Variants in LACTB2 observed in about 807,000 individuals in gnomAD.
LACTB2 encodes endoribonuclease LACTB2.
In LACTB2, 32 loss-of-function variants were observed where a neutral mutation model predicts 34.8. The ratio of observed to expected loss-of-function variants is 0.92; its 90% CI spans 0.69 to 1.24. The LOEUF (loss-of-function observed/expected upper bound fraction) is 1.24, where lower values mean the gene tolerates loss of function less well. LACTB2 is among the 50% of genes most tolerant of loss of function. LACTB2 has a pLI of 0.00. For synonymous variants in LACTB2, 120 were observed against 117.5 expected (o/e 1.02, Z -0.14); for missense variants, 320 against 345.0 (o/e 0.93, Z 0.57).
intron 2 of LACTB2, chr8:70,661,417 CT>C (rs1322475440): frequency 3.6e-6 from 1 of 280,602 alleles, no homozygotes; most frequent in African/African-American, 2.2e-5. Flanking sequence ...GAGCACCTAC[CT>C]CACAGTATCC....
Position 70,666,314 on chromosome 8 carries a change from T to A in LACTB2, c.122+2685A>T, listed in dbSNP as rs114766457. On this transcript the variant is annotated intron_variant, in intron 1 of 6. Coordinates refer to ENST00000276590, the MANE Select transcript of LACTB2 (RefSeq NM_016027.3). ...ATTGAGATAAGGACCATGAAAAGTA[T>A]GGAGTGTCCCTAATACAGTCTGATG... Among the ~76,000 whole-genome samples, 459 of 152,274 alleles carry A rather than the reference T, an allele frequency of 3.0e-3. 3 individuals carry two copies. Among genetic ancestry groups the A allele is most frequent in the African/African-American group, 0.011 (440 of 41,550 alleles).
intron 2 of LACTB2, among the ~76,000 whole-genome samples, chr8:70,658,908 T>C (rs569726082): frequency 5.9e-5 from 9 of 152,194 alleles, no homozygotes; most frequent in Middle Eastern, 3.4e-3. Context: ...GCACCTAACG[T>C]CCCAGATACT....
At chr8:70,664,023 A>G (rs534203942) in intron 1 of LACTB2, among the ~76,000 whole-genome samples, 1 of 152,262 alleles carries the variant, frequency 6.6e-6, no homozygotes, top group South Asian at 2.1e-4. Flanking sequence ...CTATAATACT[A>G]TGATACCTCC....
intron 3 of LACTB2, among the ~76,000 whole-genome samples, chr8:70,649,077 A>G (rs10097463): frequency 0.15 from 22,883 of 152,204 alleles, 2,446 homozygotes; most frequent in African/African-American, 0.31. Context: ...AATACCTTAA[A>G]TAAAGTTAGA....
chr8:70,668,184 T>G (rs1260832936), intron 1 of LACTB2, among the ~76,000 whole-genome samples: 1 of 152,198 alleles, frequency 6.6e-6, no homozygotes, highest in East Asian at 1.9e-4. Context: ...TTTTTAGTAA[T>G]CAATTATATT....
chr8:70,660,260 A>T, intron 2 of LACTB2: 1 of 262,386 alleles, frequency 3.8e-6, no homozygotes, highest in Non-Finnish European at 7.5e-6. Flanking sequence ...GGCATAAAAT[A>T]GTTTTTTAAT....
At chr8:70,644,042 A>T (rs1818232599) in intron 4 of LACTB2, 23 bp downstream of exon 4, 2 of 1,481,692 alleles carry the variant, frequency 1.3e-6, no homozygotes, top group African/African-American at 1.4e-5. Context: ...ATAAAAATAT[A>T]AAAAAATTTA....
At chr8:70,664,377 G>T (rs988168517) in intron 1 of LACTB2, among the ~76,000 whole-genome samples, 1 of 152,168 alleles carries the variant, frequency 6.6e-6, no homozygotes, top group East Asian at 1.9e-4. Flanking sequence ...AATTAACAGG[G>T]TTGATACATG....
Position 70,644,187 on chromosome 8 carries a change from T to C in LACTB2, c.470A>G (p.Glu157Gly). 6.2e-7 allele frequency: 1 copy of C among 1,613,204 alleles called. No homozygotes were observed. The change falls in exon 4 of 7, where the codon GAA becomes GGA. Residue 157 changes from glutamate to glycine, a missense_variant. Physicochemically the swap from Glu to Gly is moderately conservative, Grantham distance 98. Transcript: ENST00000276590. ...DDHMALLLEE[E>G]NAIFSGDCIL... is the part of the protein sequence containing the mutation. ...GCAATCTCCAGAAAAGATAGCATTTTCCTCTTCTAAGAGTAGAGCCATGTG... is the reference window on the plus strand; with the variant it reads ...GCAATCTCCAGAAAAGATAGCATTTCCCTCTTCTAAGAGTAGAGCCATGTG...
In LACTB2 at chr8:70,644,068, G is replaced by A. The variant is rs1329803188; in HGVS notation, c.589C>T (p.Pro197Ser). 6.4e-7 allele frequency: 1 copy of A among 1,554,436 alleles called. No homozygotes were observed. Among genetic ancestry groups the A allele is most frequent in the Non-Finnish European group, 8.7e-7 (1 of 1,153,864 alleles). ...LLKIKADIIYPGHGPVIHNAE... is the reference protein window; with the variant it reads ...LLKIKADIIYSGHGPVIHNAE... ...AAAAAATTTAAAAATTACCCACCTG[G>A]ATATATAATATCAGCTTTGATTTTC... Residue 197 changes from proline to serine, a missense_variant, in exon 4 of 7, where the codon CCA becomes TCA. Pro to Ser is a moderately conservative substitution (Grantham distance 74). Transcript: ENST00000276590.
intron 1 of LACTB2, among the ~76,000 whole-genome samples, chr8:70,666,488 G>A (rs1818534073): frequency 6.6e-6 from 1 of 152,214 alleles, no homozygotes; most frequent in Non-Finnish European, 1.5e-5. Flanking sequence ...AACCTCATCT[G>A]AGACACTAGA....
chr8:70,667,337 C>T (rs117825793), intron 1 of LACTB2, among the ~76,000 whole-genome samples: 236 of 152,308 alleles, frequency 1.5e-3, no homozygotes, highest in Non-Finnish European at 3.1e-3. Context: ...CAGGTGGATA[C>T]CAATCTCAGA....
chr8:70,658,598 A>G (rs1040489354), intron 2 of LACTB2, among the ~76,000 whole-genome samples: 5 of 152,160 alleles, frequency 3.3e-5, no homozygotes, highest in African/African-American at 1.2e-4. Context: ...CAATTCGGCT[A>G]ATAAAGGCAG....
chr8:70,643,516 T>A (rs1479939230), intron 4 of LACTB2, among the ~76,000 whole-genome samples: 2 of 129,814 alleles, frequency 1.5e-5, no homozygotes, highest in Non-Finnish European at 3.7e-5. Flanking sequence ...GTAGTTGATA[T>A]GTTTTTTTTT....
intron 1 of LACTB2, among the ~76,000 whole-genome samples, chr8:70,668,554 T>C (rs1266528591): frequency 6.6e-6 from 1 of 152,016 alleles, no homozygotes; most frequent in East Asian, 1.9e-4. Context: ...TGCTGCTGAG[T>C]TGAGGAAATC....
chr8:70,641,548 G>T (rs28653702), intron 4 of LACTB2, among the ~76,000 whole-genome samples: 3,979 of 152,238 alleles, frequency 0.026, 155 homozygotes, highest in African/African-American at 0.092. Context: ...ATTCTGACAG[G>T]ATCTCTTAAC....
intron 3 of LACTB2, among the ~76,000 whole-genome samples, chr8:70,647,267 T>C (rs1478156274): frequency 6.6e-6 from 1 of 151,788 alleles, no homozygotes; most frequent in Admixed American, 6.6e-5. Flanking sequence ...TTTTTTTTTT[T>C]TTTGAGACAG....
chr8:70,661,536 G>C, intron 2 of LACTB2, 198 bp downstream of exon 2: 1 of 481,152 alleles, frequency 2.1e-6, no homozygotes, highest in Non-Finnish European at 3.7e-6. Context: ...TTGAGGATTT[G>C]AAACAGAAAT....
Position 70,641,014 on chromosome 8 carries a change from A to G in LACTB2, c.629T>C (p.Ile210Thr). The G allele has an allele frequency of 6.2e-7, 1 of 1,605,226 alleles. No homozygotes were observed. The highest frequency in any genetic ancestry group is 2.3e-5 in the East Asian group (1 of 44,382). ...ATTTCTGTGAGAAATGTATTGTTGA[A>G]TTTTAGCTTCAGCATTATGAATTAC... Reference protein sequence around the residue: ...GPVIHNAEAKIQQYISHRNIR... With the variant: ...GPVIHNAEAKTQQYISHRNIR... The change falls in exon 5 of 7, where the codon ATT becomes ACT. Residue 210 changes from isoleucine to threonine, a missense_variant. Transcript: ENST00000276590.
Sources: gnomAD v4.1 joint callset for allele counts (sites outside exome capture counted in the v4.1 genomes callset) on GRCh38, gnomAD v4.1.1 for gene constraint, MANE v1.5 for transcripts, NCBI Gene and HGNC (gene_info 2026-07-23, HGNC 2026-07-21) for gene names.